The following PARD3B variants were observed in gnomAD, a reference collection of about 807,000 sequenced individuals.
The protein encoded by PARD3B is par-3 family cell polarity regulator beta, also known as partitioning defective 3 homolog B.
In PARD3B, 103 loss-of-function variants were observed where a neutral mutation model predicts 130.2. The ratio of observed to expected loss-of-function variants is 0.79; its 90% CI spans 0.67 to 0.93. The LOEUF is 0.93. Ranked by LOEUF, PARD3B falls within the 40% of genes least tolerant of loss-of-function variation. PARD3B has a pLI of 0.00. For synonymous variants in PARD3B, 583 were observed against 553.2 expected (o/e 1.05, Z -0.76); for missense variants, 1,609 against 1,499.2 (o/e 1.07, Z -1.21).
At chr2:204,676,996 T>G (rs1379650397) in intron 1 of PARD3B, among the ~76,000 whole-genome samples, 3 of 152,176 alleles carry the variant, frequency 2.0e-5, no homozygotes, top group African/African-American at 7.2e-5. Context: ...GGATCTTTCT[T>G]ACGCTGAGTT....
chr2:204,960,804 G>C (rs2125845247), intron 2 of PARD3B, among the ~76,000 whole-genome samples: 1 of 152,198 alleles, frequency 6.6e-6, no homozygotes, highest in African/African-American at 2.4e-5. Flanking sequence ...AAAATAAGAA[G>C]AGCTGTGATG....
chr2:205,176,662 A>G lies in PARD3B; in HGVS notation c.1924+85A>G. The G allele has an allele frequency of 1.5e-6, 2 of 1,357,322 alleles. No homozygotes were observed. The highest frequency in any genetic ancestry group is 2.6e-5 in the Admixed American group (1 of 38,222). 84.1% of individuals were successfully genotyped at this position (1,357,322 alleles called of 1,614,324 possible). A position where few individuals can be genotyped will look rare whatever the true frequency, so the allele number is the denominator to read the frequency against. On this transcript the variant is annotated intron_variant, in intron 13 of 22. Transcript: ENST00000406610. The surrounding 1 kb of genome is among the most constrained non-coding windows in gnomAD (Gnocchi z 5.3). Reference sequence around the variant, plus strand: ...TTATCTAAAAAAAAAAAAAAAGAGTAAAGGGGAGTTAATTAGACTAAGTGC... The same window carrying G: ...TTATCTAAAAAAAAAAAAAAAGAGTGAAGGGGAGTTAATTAGACTAAGTGC...
At chr2:204,942,548 G>A (rs1316894006) in intron 2 of PARD3B, among the ~76,000 whole-genome samples, 2 of 151,704 alleles carry the variant, frequency 1.3e-5, no homozygotes, top group Admixed American at 6.6e-5. Context: ...TAGAGTGAGA[G>A]GAAAACCTCT....
chr2:205,089,331 A>T (rs756231219), intron 4 of PARD3B, among the ~76,000 whole-genome samples: 29 of 151,102 alleles, frequency 1.9e-4, no homozygotes, highest in Non-Finnish European at 3.8e-4. Context: ...CCATCATGCC[A>T]GGCTAATTTT....
intron 1 of PARD3B, among the ~76,000 whole-genome samples, chr2:204,652,115 A>G (rs956918635): frequency 6.6e-6 from 1 of 152,164 alleles, no homozygotes; most frequent in African/African-American, 2.4e-5. Flanking sequence ...TGTCTTGGCT[A>G]TTAACATTAG....
At chr2:205,303,738 G>A (rs188772746) in intron 18 of PARD3B, among the ~76,000 whole-genome samples, 1 of 152,286 alleles carries the variant, frequency 6.6e-6, no homozygotes, top group East Asian at 1.9e-4. Context: ...GAAGGGAGGA[G>A]GCAGTCAATT....
intron 2 of PARD3B, among the ~76,000 whole-genome samples, chr2:204,863,714 A>G (rs1363730158): frequency 6.6e-6 from 1 of 152,228 alleles, no homozygotes; most frequent in African/African-American, 2.4e-5. Flanking sequence ...ATAGAAAAGC[A>G]TATTGGGATA....
In PARD3B at chr2:205,443,301, G is replaced by T. The variant is rs192081025; in HGVS notation, c.3044+2629G>T. 1.8e-3 allele frequency among the ~76,000 whole-genome samples: 267 copies of T among 152,278 alleles called. 1 individual carries two copies. Among genetic ancestry groups the T allele is most frequent in the Non-Finnish European group, 3.2e-3 (217 of 68,022 alleles). Reference sequence around the variant, plus strand: ...AACATACCATACGTACTGTTAGAGGGCAATGCCATTCATCCATTCATCTTT... The same window carrying T: ...AACATACCATACGTACTGTTAGAGGTCAATGCCATTCATCCATTCATCTTT... On this transcript the variant is annotated intron_variant, in intron 20 of 22. Coordinates refer to ENST00000406610, the MANE Select transcript of PARD3B (RefSeq NM_001302769.2).
intron 2 of PARD3B, among the ~76,000 whole-genome samples, chr2:204,963,049 T>C (rs1255799241): frequency 6.6e-6 from 1 of 152,220 alleles, no homozygotes; most frequent in Non-Finnish European, 1.5e-5. Context: ...ACAGTCTTCA[T>C]TGTAGCCTCT....
intron 2 of PARD3B, among the ~76,000 whole-genome samples, chr2:204,837,946 G>A (rs1005678211): frequency 6.6e-6 from 1 of 152,126 alleles, no homozygotes; most frequent in African/African-American, 2.4e-5. Flanking sequence ...TCATTCAGCA[G>A]AACTATCTGG....
intron 2 of PARD3B, among the ~76,000 whole-genome samples, chr2:204,882,398 A>C (rs1180476889): frequency 6.6e-6 from 1 of 152,218 alleles, no homozygotes; most frequent in Non-Finnish European, 1.5e-5. Context: ...TCCTCCTAAA[A>C]TTTAGCCTAA....
intron 16 of PARD3B, among the ~76,000 whole-genome samples, chr2:205,252,326 G>A (rs897985230): frequency 1.3e-5 from 2 of 152,090 alleles, no homozygotes; most frequent in Admixed American, 6.5e-5. Flanking sequence ...AGTAAAATAA[G>A]ACAAGTTCTC....
intron 14 of PARD3B, among the ~76,000 whole-genome samples, chr2:205,190,061 C>A (rs185714961): frequency 6.6e-6 from 1 of 152,046 alleles, no homozygotes; most frequent in Non-Finnish European, 1.5e-5. Context: ...TTTCTTTGAT[C>A]CTTCTTGATT....
At chr2:205,486,904 T>C (rs1188971609) in intron 20 of PARD3B, among the ~76,000 whole-genome samples, 1 of 152,118 alleles carries the variant, frequency 6.6e-6, no homozygotes, top group Non-Finnish European at 1.5e-5. Flanking sequence ...TTCAAAAATC[T>C]CAGAGTAGCA....
Position 204,678,647 on chromosome 2 carries a change from C to G in PARD3B, c.121-7534C>G, listed in dbSNP as rs1471003817. 6.6e-6 allele frequency among the ~76,000 whole-genome samples: 1 copy of G among 151,960 alleles called. No individual in the cohort carries two copies. Among genetic ancestry groups the G allele is most frequent in the Non-Finnish European group, 1.5e-5 (1 of 67,980 alleles). ...CTTAGTCTCTGATGCGCAGTTGCTT[C>G]TAGTCTCTGATGCGCAGTTGCTTCT... is the stretch of plus-strand genomic sequence containing the variant. On this transcript the variant is annotated intron_variant, in intron 1 of 22. Transcript: ENST00000406610. The surrounding 1 kb of genome is among the most constrained non-coding windows in gnomAD (Gnocchi z 4.2).
intron 4 of PARD3B, among the ~76,000 whole-genome samples, chr2:205,090,416 A>T (rs1196868702): frequency 6.6e-6 from 1 of 152,210 alleles, no homozygotes; most frequent in Non-Finnish European, 1.5e-5. Flanking sequence ...CCTTGTTATT[A>T]TTCTCATAAC....
At chr2:205,496,527 G>A (rs373509813) in intron 20 of PARD3B, among the ~76,000 whole-genome samples, 1 of 152,114 alleles carries the variant, frequency 6.6e-6, no homozygotes, top group South Asian at 2.1e-4. Context: ...GATGGTCCAT[G>A]ACTTTCTGGG....
chr2:204,686,685 A>C (rs1368473029), intron 2 of PARD3B, among the ~76,000 whole-genome samples: 1 of 152,214 alleles, frequency 6.6e-6, no homozygotes, highest in African/African-American at 2.4e-5. Context: ...AAGTTTTATG[A>C]AGAATTACAG....
At chr2:205,171,021 C>T (rs1446566465) in intron 11 of PARD3B, among the ~76,000 whole-genome samples, 2 of 152,128 alleles carry the variant, frequency 1.3e-5, no homozygotes, top group Non-Finnish European at 2.9e-5. Flanking sequence ...TTTTGTGCCT[C>T]AGTTTCCTTT....
Sources: gnomAD v4.1 joint callset for allele counts (sites outside exome capture counted in the v4.1 genomes callset) on GRCh38, gnomAD v4.1.1 for gene constraint, Gnocchi (gnomAD v3.1) non-coding constraint, MANE v1.5 for transcripts, NCBI Gene and HGNC (gene_info 2026-07-23, HGNC 2026-07-21) for gene names.